Variants in CCNI observed in about 807,000 individuals in gnomAD.
CCNI encodes cyclin I.
CCNI carries 14 observed loss-of-function variants against 34.1 expected under a neutral mutation model. The observed-to-expected ratio is 0.41, with a 90% CI of 0.27 to 0.64. The LOEUF (loss-of-function observed/expected upper bound fraction) is 0.64, where lower values mean the gene tolerates loss of function less well. CCNI is among the 30% of genes least tolerant of loss of function. CCNI has a pLI of 0.31. For synonymous variants in CCNI, 154 were observed against 158.4 expected (o/e 0.97, Z 0.21); for missense variants, 385 against 440.5 (o/e 0.87, Z 1.13).
In CCNI at chr4:77,062,560, A is replaced by AG. The variant is rs1352541743; in HGVS notation, c.114+3688dup. 4.0e-5 allele frequency among the ~76,000 whole-genome samples: 6 copies of AG among 148,208 alleles called. No individual in the cohort carries two copies. In the East Asian group the frequency reaches 1.2e-3, roughly 29 times the overall value. On this transcript the variant is annotated intron_variant, in intron 2 of 6. Coordinates refer to ENST00000237654, the MANE Select transcript of CCNI (RefSeq NM_006835.3). ...GGGCAACAGAGCAAGACCCTGTCTCAGAAAAAAAAAAAAAATTAAATTTTT... is the reference window on the plus strand; with the variant it reads ...GGGCAACAGAGCAAGACCCTGTCTCAGGAAAAAAAAAAAAAATTAAATTTTT...
At chr4:77,066,910 C>A (rs1729070401) in intron 1 of CCNI, among the ~76,000 whole-genome samples, 1 of 152,172 alleles carries the variant, frequency 6.6e-6, no homozygotes, top group Admixed American at 6.5e-5. Flanking sequence ...ATTAGCTACA[C>A]ATGTGGATAT....
intron 3 of CCNI, among the ~76,000 whole-genome samples, chr4:77,057,107 T>C (rs1364483179): frequency 6.6e-6 from 1 of 152,176 alleles, no homozygotes; most frequent in East Asian, 1.9e-4. Flanking sequence ...TTGCTTGCAA[T>C]CTGGGATATC....
At chr4:77,053,552 A>G (rs928103002) in intron 6 of CCNI, among the ~76,000 whole-genome samples, 12 of 152,204 alleles carry the variant, frequency 7.9e-5, no homozygotes, top group Non-Finnish European at 1.5e-5. Flanking sequence ...TCTCAAAGCT[A>G]CAGAATACAC....
chr4:77,056,581 G>T, intron 3 of CCNI: 1 of 324,134 alleles, frequency 3.1e-6, no homozygotes, highest in South Asian at 4.6e-5. Context: ...TGTGTCTAGA[G>T]CTAACTTTTT....
At chr4:77,059,932 C>T (rs1379979324) in intron 2 of CCNI, among the ~76,000 whole-genome samples, 1 of 152,088 alleles carries the variant, frequency 6.6e-6, no homozygotes, top group East Asian at 1.9e-4. Flanking sequence ...GCCAGCCAAA[C>T]ACATCAACAA....
chr4:77,067,812 AAAAAAAAG>A (rs1729159889), intron 1 of CCNI, among the ~76,000 whole-genome samples: 2 of 148,232 alleles, frequency 1.3e-5, no homozygotes, highest in Non-Finnish European at 3.0e-5. Context: ...AAAAAAAAAA[AAAAAAAAG>A]AAGCAAACTA....
At chr4:77,074,278 T>C (rs946759205) in intron 1 of CCNI, among the ~76,000 whole-genome samples, 7 of 152,150 alleles carry the variant, frequency 4.6e-5, no homozygotes, top group African/African-American at 1.4e-4. Flanking sequence ...CTGCCCTTCA[T>C]CGGTATCAAG....
At position 77,048,440 on chromosome 4, in the gene CCNI, C is replaced by A. The variant is rs948019394; in HGVS notation, c.913G>T (p.Ala305Ser). ...KPEVPVRGTA[A>S]FYHHLPAASG... ...GCAGCTGGGAGATGATGGTAAAAGGCTGCTGTACCTCTGACTGGCACTTCT... is the reference window on the plus strand; with the variant it reads ...GCAGCTGGGAGATGATGGTAAAAGGATGCTGTACCTCTGACTGGCACTTCT... Residue 305 changes from alanine (A) to serine (S), a missense_variant, in exon 7 of 7, where the codon GCC becomes TCC. Ala to Ser is a moderately conservative substitution (Grantham distance 99). Transcript: ENST00000237654. 6.2e-7 allele frequency: 1 copy of A among 1,614,124 alleles called. No individual in the cohort carries two copies. Among genetic ancestry groups the A allele is most frequent in the Non-Finnish European group, 8.5e-7 (1 of 1,180,020 alleles).
At chr4:77,064,784 A>T (rs1728911418) in intron 2 of CCNI, 1 of 151,972 alleles carries the variant, frequency 6.6e-6, no homozygotes, top group Admixed American at 6.6e-5. Flanking sequence ...GGTTCAAGCA[A>T]TTCTCATACC....
chr4:77,071,348 A>G (rs569359330), intron 1 of CCNI, among the ~76,000 whole-genome samples: 2 of 152,374 alleles, frequency 1.3e-5, no homozygotes, highest in Admixed American at 1.3e-4. Context: ...ACCAGATACA[A>G]TTAAAGCAGT....
intron 2 of CCNI, among the ~76,000 whole-genome samples, chr4:77,063,730 G>T (rs1247777998): frequency 7.9e-5 from 12 of 151,194 alleles, no homozygotes; most frequent in African/African-American, 2.9e-4. Flanking sequence ...GTCCCTGGGG[G>T]TTACCCTGGC....
chr4:77,055,317 A>G lies in CCNI; in HGVS notation c.523T>C (p.Ser175Pro). The change falls in exon 6 of 7, where the codon TCT becomes CCT. Residue 175 changes from serine to proline, a missense_variant. Coordinates refer to ENST00000237654, the MANE Select transcript of CCNI (RefSeq NM_006835.3). Reference sequence around the variant, plus strand: ...TTGGTAAGGACTGCCAAATGTTGAGATGGGCTCAATTTGGGCAAACTGAAA... The same window carrying G: ...TTGGTAAGGACTGCCAAATGTTGAGGTGGGCTCAATTTGGGCAAACTGAAA... ...LLFSLPKLSPSQHLAVLTKQL... is the reference protein window; with the variant it reads ...LLFSLPKLSPPQHLAVLTKQL... 1 of 1,614,228 alleles carries G rather than the reference A, an allele frequency of 6.2e-7. No homozygotes were observed. The highest frequency in any genetic ancestry group is 1.6e-4 in the Middle Eastern group (1 of 6,062).
chr4:77,067,317 A>G (rs1046290905), intron 1 of CCNI, among the ~76,000 whole-genome samples: 2 of 152,182 alleles, frequency 1.3e-5, no homozygotes, highest in African/African-American at 4.8e-5. Flanking sequence ...AGTGGATACT[A>G]TATCGGACAG....
chr4:77,063,851 C>T (rs1273070848), intron 2 of CCNI, among the ~76,000 whole-genome samples: 1 of 152,102 alleles, frequency 6.6e-6, no homozygotes, highest in Non-Finnish European at 1.5e-5. Context: ...CTTGGCATTA[C>T]TAAAGGCAAA....
chr4:77,048,988 T>TTC (rs1727653318), intron 6 of CCNI, among the ~76,000 whole-genome samples: 2 of 126,562 alleles, frequency 1.6e-5, no homozygotes, highest in Admixed American at 8.0e-5. Context: ...TTTTTTTTTT[T>TTC]CAGTCTATTC....
rs116745283 is a variant in CCNI at position 77,058,076 on chromosome 4, C to T, written c.243+431G>A. Among the ~76,000 whole-genome samples, 1,313 of 152,246 alleles carry T rather than the reference C, an allele frequency of 8.6e-3. 15 individuals carry two copies. The highest frequency in any genetic ancestry group is 0.03 in the African/African-American group (1,241 of 41,532). ...TGCTTTTTAAACAATAGTAGAAAGC[C>T]GGGAGTGGTGGCTCATGCCTGTAAT... On this transcript the variant is annotated intron_variant, in intron 3 of 6. Coordinates refer to ENST00000237654, the MANE Select transcript of CCNI (RefSeq NM_006835.3).
Position 77,047,430 on chromosome 4 carries a change from C to T in CCNI, c.*789G>A, listed in dbSNP as rs1181157258. 6.6e-6 allele frequency: 1 copy of T among 152,134 alleles called. No homozygotes were observed. The highest frequency in any genetic ancestry group is 1.9e-4 in the East Asian group (1 of 5,186). 9.4% of individuals were successfully genotyped at this position (152,134 alleles called of 1,614,324 possible). A position where few individuals can be genotyped will look rare whatever the true frequency, so the allele number is the denominator to read the frequency against. Reference sequence around the variant, plus strand: ...CCTACTGATTATAAATGAGTGAAAACTATCAGTTAGAAAAATCTAATTTAA... The same window carrying T: ...CCTACTGATTATAAATGAGTGAAAATTATCAGTTAGAAAAATCTAATTTAA... On this transcript the variant is annotated 3_prime_UTR_variant, in exon 7 of 7. Transcript: ENST00000237654.
chr4:77,075,467 C>T lies in CCNI; in HGVS notation c.-44+5G>A, dbSNP rs563458808. ...CGAGCCCCCGCCCCCGCCCCCGCCC[C>T]TCACCTTCTCCTCCTCTTCCTCCTC... On this transcript the variant is annotated splice_donor_5th_base_variant and intron_variant, in intron 1 of 6. Coordinates refer to ENST00000237654, the MANE Select transcript of CCNI (RefSeq NM_006835.3). The T allele has an allele frequency of 9.9e-5, 90 of 905,598 alleles. No individual in the cohort carries two copies. The African/African-American group carries it at 1.5e-3, about 15-fold the overall frequency. The allele number at this position is 905,598 out of a possible 1,614,324, so 56.1% of individuals were successfully genotyped here. A position where few individuals can be genotyped will look rare whatever the true frequency, so the allele number is the denominator to read the frequency against.
intron 2 of CCNI, chr4:77,065,123 A>T (rs1306302365): frequency 6.6e-6 from 1 of 152,268 alleles, no homozygotes; most frequent in Admixed American, 6.5e-5. Context: ...TTGCAAAATG[A>T]CAAGTAACAG....
Sources: gnomAD v4.1 joint callset for allele counts (sites outside exome capture counted in the v4.1 genomes callset) on GRCh38, gnomAD v4.1.1 for gene constraint, MANE v1.5 for transcripts, NCBI Gene and HGNC (gene_info 2026-07-23, HGNC 2026-07-21) for gene names.